Variants in CNTNAP2 observed in about 807,000 individuals in gnomAD.
The protein encoded by CNTNAP2 is contactin-associated protein-like 2.
A neutral mutation model predicts 155.2 loss-of-function variants in CNTNAP2; 98 were observed. The observed-to-expected ratio is 0.63, with a 90% confidence interval of 0.54 to 0.75. The LOEUF (loss-of-function observed/expected upper bound fraction) is 0.75, where lower values mean the gene tolerates loss of function less well. CNTNAP2 is among the 30% of genes least tolerant of loss of function. CNTNAP2 has a pLI of 0.00. For synonymous variants in CNTNAP2, 651 were observed against 631.2 expected, an observed-to-expected ratio of 1.03 and a Z score of -0.47; for missense variants, 1,727 against 1,688.1, an observed-to-expected ratio of 1.02 and a Z score of -0.40.
intron 3 of CNTNAP2, among the ~76,000 whole-genome samples, chr7:146,944,390 A>G (rs1419431845): frequency 6.6e-6 from 1 of 152,074 alleles, no homozygotes; most frequent in Non-Finnish European, 1.5e-5. Context: ...TGTGTTGCAT[A>G]TGGTATATTG....
At chr7:147,793,492 A>C (rs180787014) in intron 13 of CNTNAP2, among the ~76,000 whole-genome samples, 235 of 152,200 alleles carry the variant, frequency 1.5e-3, no homozygotes, top group African/African-American at 5.4e-3. Context: ...TCAGTTGACC[A>C]TAACTCTGAG....
intron 8 of CNTNAP2, among the ~76,000 whole-genome samples, chr7:147,191,370 G>C (rs1032623270): frequency 9.9e-5 from 15 of 152,148 alleles, no homozygotes; most frequent in Non-Finnish European, 1.5e-5. Flanking sequence ...GAAGACAAAA[G>C]TAAGATCAAA....
chr7:147,987,891 C>T (rs1801646395), intron 15 of CNTNAP2, among the ~76,000 whole-genome samples: 3 of 152,056 alleles, frequency 2.0e-5, no homozygotes, highest in Non-Finnish European at 1.5e-5. Context: ...GACAGGGTTT[C>T]ACCATGTTGG....
intron 1 of CNTNAP2, among the ~76,000 whole-genome samples, chr7:146,407,551 T>G (rs1795809906): frequency 6.6e-6 from 1 of 152,212 alleles, no homozygotes; most frequent in South Asian, 2.1e-4. Context: ...AAGCTTTGAT[T>G]GAGGAGAGAA....
At chr7:146,303,463 C>T (rs1800651056) in intron 1 of CNTNAP2, among the ~76,000 whole-genome samples, 1 of 151,576 alleles carries the variant, frequency 6.6e-6, no homozygotes, top group Non-Finnish European at 1.5e-5. Flanking sequence ...GTTCACAATA[C>T]ATTGATGCTA....
chr7:146,423,618 A>G (rs1172649344), intron 1 of CNTNAP2, among the ~76,000 whole-genome samples: 1 of 152,216 alleles, frequency 6.6e-6, no homozygotes, highest in Non-Finnish European at 1.5e-5. Context: ...TGACAGTAAC[A>G]TATGAGAGGA....
intron 1 of CNTNAP2, among the ~76,000 whole-genome samples, chr7:146,504,239 C>G (rs1158680929): frequency 6.6e-6 from 1 of 152,108 alleles, no homozygotes; most frequent in East Asian, 1.9e-4. Flanking sequence ...AGCAGCAATA[C>G]AGGGAGCAAC....
intron 3 of CNTNAP2, among the ~76,000 whole-genome samples, chr7:146,889,173 CAAT>C (rs1159563732): frequency 1.3e-5 from 2 of 152,238 alleles, no homozygotes; most frequent in African/African-American, 4.8e-5. Context: ...AATTATACCT[CAAT>C]AAAGCAGTTT....
intron 12 of CNTNAP2, among the ~76,000 whole-genome samples, chr7:147,612,666 G>A (rs1801210258): frequency 6.6e-6 from 1 of 152,072 alleles, no homozygotes; most frequent in Non-Finnish European, 1.5e-5. Context: ...CTCCCAAAGT[G>A]CAGGAATTAC....
chr7:146,785,538 A>G (rs955691221), intron 2 of CNTNAP2, among the ~76,000 whole-genome samples: 4 of 152,292 alleles, frequency 2.6e-5, no homozygotes, highest in Non-Finnish European at 4.4e-5. Context: ...CATTGCTTAT[A>G]TGTAGGAATC....
intron 1 of CNTNAP2, among the ~76,000 whole-genome samples, chr7:146,259,423 A>T (rs1450282166): frequency 1.3e-5 from 2 of 152,150 alleles, no homozygotes; most frequent in Admixed American, 6.5e-5. Flanking sequence ...TCCTAGAGGT[A>T]TGTTGAATGG....
At chr7:146,826,492 G>T (rs1196579419) in intron 2 of CNTNAP2, among the ~76,000 whole-genome samples, 7 of 152,028 alleles carry the variant, frequency 4.6e-5, no homozygotes, top group Admixed American at 4.6e-4. Flanking sequence ...CTCTCATGGG[G>T]AACTAAGCAA....
chr7:147,098,045 C>T (rs1349301286), intron 4 of CNTNAP2, among the ~76,000 whole-genome samples: 1 of 152,150 alleles, frequency 6.6e-6, no homozygotes, highest in East Asian at 1.9e-4. Context: ...CCTTTAATGA[C>T]ATAGGTATCT....
chr7:146,436,925 A>C (rs1023397166), intron 1 of CNTNAP2, among the ~76,000 whole-genome samples: 6 of 151,546 alleles, frequency 4.0e-5, no homozygotes, highest in African/African-American at 1.5e-4. Context: ...GACATTGTAG[A>C]AATATTAGAA....
chr7:147,224,881 CTT>C lies in CNTNAP2; in HGVS notation c.1349-75259_1349-75258del, dbSNP rs10584427. Among the ~76,000 whole-genome samples, 761 of 152,168 alleles carry C rather than the reference CTT, an allele frequency of 5.0e-3. 13 individuals carry two copies. Among genetic ancestry groups the C allele is most frequent in the African/African-American group, 0.017 (690 of 41,516 alleles). On this transcript the variant is annotated intron_variant, in intron 8 of 23. Coordinates refer to ENST00000361727, the MANE Select transcript of CNTNAP2 (RefSeq NM_014141.6). ...TGTACTTTATTTAACACCAAAGTTT[CTT>C]GATTTTGTTTTTTTATTAGTAGATA...
chr7:147,103,818 A>G (rs1479563175), intron 4 of CNTNAP2, among the ~76,000 whole-genome samples: 1 of 152,078 alleles, frequency 6.6e-6, no homozygotes, highest in Non-Finnish European at 1.5e-5. Context: ...AAATATCAAT[A>G]ATGCAGTCTA....
intron 1 of CNTNAP2, among the ~76,000 whole-genome samples, chr7:146,446,690 G>C (rs1796407351): frequency 6.6e-6 from 1 of 152,062 alleles, no homozygotes; most frequent in Non-Finnish European, 1.5e-5. Context: ...TTTCAACTCT[G>C]AATATTTAGC....
intron 10 of CNTNAP2, among the ~76,000 whole-genome samples, chr7:147,438,855 T>C (rs1013761615): frequency 1.3e-5 from 2 of 151,950 alleles, no homozygotes; most frequent in Non-Finnish European, 2.9e-5. Flanking sequence ...TTTTTTTCCC[T>C]AGATTTTTCC....
intron 1 of CNTNAP2, among the ~76,000 whole-genome samples, chr7:146,482,809 C>T (rs183516450): frequency 6.6e-6 from 1 of 151,826 alleles, no homozygotes; most frequent in East Asian, 1.9e-4. Context: ...GAATAATAGA[C>T]CTTGATTGAA....
Sources: gnomAD v4.1 joint callset for allele counts (sites outside exome capture counted in the v4.1 genomes callset) on GRCh38, gnomAD v4.1.1 for gene constraint, MANE v1.5 for transcripts, NCBI Gene and HGNC (gene_info 2026-07-23, HGNC 2026-07-21) for gene names.